POU2F1: variants seen among roughly 807,000 people sequenced by gnomAD.
POU2F1 encodes POU domain, class 2, transcription factor 1.
In POU2F1, 16 loss-of-function variants were observed where a neutral mutation model predicts 84.9. The ratio of observed to expected loss-of-function variants is 0.19; its 90% CI spans 0.13 to 0.29. The LOEUF (loss-of-function observed/expected upper bound fraction) is 0.29. Ranked by LOEUF, POU2F1 falls within the 10% of genes least tolerant of loss-of-function variation. The pLI, the probability that POU2F1 is intolerant of heterozygous loss-of-function variation, is 1.00. For synonymous variants in POU2F1, 368 were observed against 368.3 expected (o/e 1.00, Z 0.01); for missense variants, 738 against 942.6 (o/e 0.78, Z 2.84).
intron 10 of POU2F1, 122 bp downstream of exon 10, chr1:167,396,549 A>G (rs1427208702): frequency 4.3e-6 from 4 of 937,960 alleles, no homozygotes; most frequent in Non-Finnish European, 6.3e-6. Flanking sequence ...GAAGCTTACT[A>G]ATCCTGGGAG....
chr1:167,394,668 T>C (rs1448350555), intron 9 of POU2F1, among the ~76,000 whole-genome samples: 2 of 152,196 alleles, frequency 1.3e-5, no homozygotes, highest in Non-Finnish European at 2.9e-5. Flanking sequence ...TTAATTAATT[T>C]AAATAGCCAC....
At chr1:167,232,265 A>G (rs1052484543) in intron 1 of POU2F1, among the ~76,000 whole-genome samples, 3 of 152,234 alleles carry the variant, frequency 2.0e-5, no homozygotes, top group African/African-American at 4.8e-5. Context: ...TTCTCAGTCT[A>G]TGGACCAGTA....
At position 167,420,105 on chromosome 1, in the gene POU2F1, A is replaced by G. The variant is rs1441191797; in HGVS notation, c.*4295A>G. ...AAATTCAGCCCAATCTTTAACATTAAAAAATTTTCTTTTTAACTTGCTGGA... is the reference window on the plus strand; with the variant it reads ...AAATTCAGCCCAATCTTTAACATTAGAAAATTTTCTTTTTAACTTGCTGGA... On this transcript the variant is annotated 3_prime_UTR_variant, in exon 16 of 16. Transcript: ENST00000367866. 6.6e-6 allele frequency: 1 copy of G among 152,190 alleles called. No homozygotes were observed. Among genetic ancestry groups the G allele is most frequent in the Admixed American group, 6.5e-5 (1 of 15,284 alleles). 9.4% of individuals were successfully genotyped at this position (152,190 alleles called of 1,614,324 possible).
chr1:167,365,875 A>G (rs1356268507), intron 3 of POU2F1, among the ~76,000 whole-genome samples: 2 of 152,218 alleles, frequency 1.3e-5, no homozygotes, highest in East Asian at 1.9e-4. Context: ...CAAATTATCA[A>G]AATCATCCAG....
At chr1:167,258,275 T>A (rs1163410123) in intron 1 of POU2F1, among the ~76,000 whole-genome samples, 1 of 152,212 alleles carries the variant, frequency 6.6e-6, no homozygotes, top group Non-Finnish European at 1.5e-5. Context: ...CTTGTGAGCA[T>A]CTCCATATTT....
chr1:167,345,735 A>G lies in POU2F1; in HGVS notation c.127+13200A>G, dbSNP rs556724954. Among the ~76,000 whole-genome samples the G allele has an allele frequency of 1.9e-4, 29 of 152,332 alleles. No homozygotes were observed. The Middle Eastern group carries it at 0.01, about 54-fold the overall frequency. On this transcript the variant is annotated intron_variant, in intron 2 of 15. Transcript: ENST00000367866. ...ACAAAAATATTAATAAGATTTTAGG[A>G]TATTAAAATAAGGTCTGTCTTTCTG...
chr1:167,292,373 T>C (rs2102537166), intron 1 of POU2F1, among the ~76,000 whole-genome samples: 1 of 152,148 alleles, frequency 6.6e-6, no homozygotes, highest in South Asian at 2.1e-4. Flanking sequence ...AATATTATTG[T>C]TAGTTGTTGA....
chr1:167,355,194 G>A (rs1456013812), intron 2 of POU2F1, among the ~76,000 whole-genome samples: 1 of 145,516 alleles, frequency 6.9e-6, no homozygotes, highest in Admixed American at 6.8e-5. Flanking sequence ...TTAGTATAGT[G>A]TAATGTGTCT....
chr1:167,380,432 A>T (rs1202741148), intron 7 of POU2F1: 1 of 152,238 alleles, frequency 6.6e-6, no homozygotes, highest in African/African-American at 2.4e-5. Flanking sequence ...AGAGAATGAA[A>T]AGGTTGTTCC....
At chr1:167,398,941 T>C (rs1293984369) in intron 11 of POU2F1, among the ~76,000 whole-genome samples, 17 of 152,228 alleles carry the variant, frequency 1.1e-4, no homozygotes, top group Non-Finnish European at 4.4e-5. Flanking sequence ...CATTCACAAT[T>C]AATAGATCTT....
chr1:167,347,973 T>G (rs1160512282), intron 2 of POU2F1, among the ~76,000 whole-genome samples: 1 of 152,218 alleles, frequency 6.6e-6, no homozygotes, highest in Non-Finnish European at 1.5e-5. Flanking sequence ...TCTCTTTGGC[T>G]CTTGTGAATA....
intron 1 of POU2F1, among the ~76,000 whole-genome samples, chr1:167,298,903 C>T (rs1259983533): frequency 1.3e-5 from 2 of 152,122 alleles, no homozygotes; most frequent in Admixed American, 6.5e-5. Context: ...GTGGCTCATG[C>T]CTGTAATCCC....
At chr1:167,383,154 T>C (rs1013838568) in intron 7 of POU2F1, among the ~76,000 whole-genome samples, 8 of 152,228 alleles carry the variant, frequency 5.3e-5, no homozygotes, top group African/African-American at 1.9e-4. Flanking sequence ...TATCTGAAAC[T>C]CTTTACTTAA....
chr1:167,386,102 G>A (rs1217553687), intron 8 of POU2F1, among the ~76,000 whole-genome samples: 2 of 152,158 alleles, frequency 1.3e-5, no homozygotes, highest in African/African-American at 4.8e-5. Flanking sequence ...CCAAGTGTTG[G>A]CAAGAAGGTA....
chr1:167,299,695 G>GT (rs571000920), intron 1 of POU2F1, among the ~76,000 whole-genome samples: 15,851 of 139,026 alleles, frequency 0.11, 943 homozygotes, highest in Middle Eastern at 0.14. Context: ...GGAGACCAGA[G>GT]TTTTTTTTTT....
In POU2F1 at chr1:167,345,248, G is replaced by A. The variant is rs538154500; in HGVS notation, c.127+12713G>A. ...GGGGAGGTGTTGGGTTTCAGAGCAC[G>A]TGGTGGCTGAAGTAGCCTAAAGTAG... is the stretch of plus-strand genomic sequence containing the variant. On this transcript the variant is annotated intron_variant, in intron 2 of 15. Transcript: ENST00000367866. Among the ~76,000 whole-genome samples, 20 of 152,294 alleles carry A rather than the reference G, an allele frequency of 1.3e-4. 1 individual carries two copies. Among genetic ancestry groups the A allele is most frequent in the South Asian group, 6.2e-4 (3 of 4,830 alleles).
chr1:167,397,269 T>C (rs1409626100), intron 10 of POU2F1, among the ~76,000 whole-genome samples: 1 of 152,246 alleles, frequency 6.6e-6, no homozygotes, highest in East Asian at 1.9e-4. Context: ...CTTTTCTTTT[T>C]ACCCTAGATT....
At chr1:167,384,066 G>A (rs1329351572) in intron 8 of POU2F1, 115 bp downstream of exon 8, 1 of 849,460 alleles carries the variant, frequency 1.2e-6, no homozygotes, top group East Asian at 2.9e-5. Flanking sequence ...TTCGAAAACT[G>A]ACCAGAAAAT....
chr1:167,240,021 C>G (rs1157402086), intron 1 of POU2F1, among the ~76,000 whole-genome samples: 1 of 150,530 alleles, frequency 6.6e-6, no homozygotes, highest in Non-Finnish European at 1.5e-5. Context: ...AACTCAAATG[C>G]CATAAAAGGA....
Sources: allele counts gnomAD v4.1 joint callset (sites outside exome capture counted in the v4.1 genomes callset), GRCh38; gene constraint gnomAD v4.1.1; transcripts MANE v1.5; gene names NCBI Gene and HGNC (gene_info 2026-07-23, HGNC 2026-07-21).